PTPRJ: variants seen among roughly 807,000 people sequenced by gnomAD.
The protein encoded by PTPRJ is protein tyrosine phosphatase receptor type J.
Under a neutral mutation model 141.3 loss-of-function variants are expected in PTPRJ, and 129 were observed. The observed-to-expected ratio is 0.91, with a 90% CI of 0.79 to 1.06. The LOEUF is 1.06. PTPRJ is among the 50% of genes least tolerant of loss of function. The pLI, the probability that PTPRJ is intolerant of heterozygous loss-of-function variation, is 0.00. For synonymous variants in PTPRJ, 610 were observed against 640.5 expected (o/e 0.95, Z 0.72); for missense variants, 1,601 against 1,679.7 (o/e 0.95, Z 0.82).
intron 1 of PTPRJ, among the ~76,000 whole-genome samples, chr11:48,013,557 A>G (rs1234904): frequency 0.072 from 10,993 of 152,158 alleles, 1,294 homozygotes; most frequent in African/African-American, 0.25. Flanking sequence ...CTTGCTTCTC[A>G]TGGGGGAATG....
intron 1 of PTPRJ, among the ~76,000 whole-genome samples, chr11:48,091,027 A>G (rs1855855949): frequency 6.6e-6 from 1 of 152,166 alleles, no homozygotes; most frequent in African/African-American, 2.4e-5. Context: ...ACTTCAGATG[A>G]GGGCATTTAC....
chr11:48,066,251 A>G (rs1228246529), intron 1 of PTPRJ, among the ~76,000 whole-genome samples: 1 of 152,258 alleles, frequency 6.6e-6, no homozygotes, highest in Non-Finnish European at 1.5e-5. Flanking sequence ...CTCCTCCTCC[A>G]GTGCTCTGAG....
intron 1 of PTPRJ, among the ~76,000 whole-genome samples, chr11:48,041,442 T>C (rs1294591653): frequency 6.6e-6 from 1 of 152,142 alleles, no homozygotes; most frequent in Non-Finnish European, 1.5e-5. Flanking sequence ...CCCAGACACA[T>C]AGCGTTACTA....
intron 1 of PTPRJ, among the ~76,000 whole-genome samples, chr11:48,028,139 A>G (rs1853875230): frequency 6.6e-6 from 1 of 152,198 alleles, no homozygotes. Flanking sequence ...CTTGAAACAT[A>G]AGGCCGTCTT....
chr11:48,154,211 C>T (rs757105183), intron 19 of PTPRJ, among the ~76,000 whole-genome samples: 1 of 152,232 alleles, frequency 6.6e-6, no homozygotes, highest in Admixed American at 6.5e-5. Context: ...CTAGGTCTGT[C>T]TGTCTCAGTA....
At chr11:48,095,579 CTTTTTT>C (rs11378534) in intron 1 of PTPRJ, among the ~76,000 whole-genome samples, 1 of 137,024 alleles carries the variant, frequency 7.3e-6, no homozygotes, top group Non-Finnish European at 1.6e-5. Context: ...CAAACATATA[CTTTTTT>C]TTTTTTTTTT....
intron 2 of PTPRJ, among the ~76,000 whole-genome samples, chr11:48,110,822 A>G (rs1055978174): frequency 2.6e-5 from 4 of 152,234 alleles, no homozygotes; most frequent in African/African-American, 9.6e-5. Context: ...CACAGGGCTG[A>G]GTCCCAACTG....
intron 1 of PTPRJ, among the ~76,000 whole-genome samples, chr11:47,987,583 C>T (rs1228016): frequency 0.016 from 2,507 of 152,298 alleles, 68 homozygotes; most frequent in African/African-American, 0.057. Flanking sequence ...CCCTGCTGCC[C>T]GCTTCAGAGA....
At chr11:48,096,000 C>A (rs1247579955) in intron 1 of PTPRJ, among the ~76,000 whole-genome samples, 1 of 152,310 alleles carries the variant, frequency 6.6e-6, no homozygotes, top group East Asian at 1.9e-4. Context: ...GGTGGCTCAC[C>A]CATGGCATTC....
chr11:48,160,201 A>G (rs1356736609), intron 22 of PTPRJ, 152 bp downstream of exon 22: 2 of 1,071,230 alleles, frequency 1.9e-6, no homozygotes, highest in South Asian at 1.6e-5. Context: ...ATCCATATGC[A>G]TGTATACTCC....
At chr11:48,147,878 G>A (rs1205585956) in intron 15 of PTPRJ, among the ~76,000 whole-genome samples, 1 of 151,824 alleles carries the variant, frequency 6.6e-6, no homozygotes, top group Non-Finnish European at 1.5e-5. Flanking sequence ...ATGGAGTCTG[G>A]CTCTGTCCCC....
intron 1 of PTPRJ, among the ~76,000 whole-genome samples, chr11:48,097,392 C>T (rs1276073921): frequency 6.6e-6 from 1 of 151,880 alleles, no homozygotes; most frequent in Non-Finnish European, 1.5e-5. Flanking sequence ...TGTGACTCAC[C>T]CTTTCCTTTA....
At chr11:48,112,187 TCAGA>T (rs1218317095) in intron 2 of PTPRJ, among the ~76,000 whole-genome samples, 2 of 152,160 alleles carry the variant, frequency 1.3e-5, no homozygotes, top group Non-Finnish European at 2.9e-5. Flanking sequence ...TTGCTAGAAG[TCAGA>T]CAGAACGTCT....
chr11:48,150,285 C>A, intron 18 of PTPRJ, 102 bp downstream of exon 18: 1 of 927,234 alleles, frequency 1.1e-6, no homozygotes. Flanking sequence ...AAAGAACACT[C>A]GAGGGACTGT....
chr11:48,163,499 C>T lies in PTPRJ; in HGVS notation c.3600C>T (p.Phe1200=), dbSNP rs1290326046. 1 of 1,614,088 alleles carries T rather than the reference C, an allele frequency of 6.2e-7. No individual in the cohort carries two copies. The highest frequency in any genetic ancestry group is 2.2e-5 in the East Asian group (1 of 44,884). ...SESHPLRQFH[F]TSWPDHGVPD... is the part of the protein sequence containing the mutation. ...GTCACCCTCTGAGACAGTTCCATTT[C>T]ACCTCCTGGCCAGACCACGGTGTTC... Residue 1200 remains phenylalanine (F), a synonymous_variant, in exon 23 of 25, where the codon TTC becomes TTT. Transcript: ENST00000418331.
rs756350818 is a variant in PTPRJ at position 48,139,390 on chromosome 11, C to T, written c.2153-96C>T. ...CTGCCTCTTCCACCACATCACCCAC[C>T]CACCTTCTCATCCCCAGGATTCTGC... On this transcript the variant is annotated intron_variant, in intron 10 of 24. Transcript: ENST00000418331. The T allele has an allele frequency of 4.5e-6, 6 of 1,341,676 alleles. No homozygotes were observed. In the African/African-American group the frequency reaches 5.8e-5, roughly 13 times the overall value. The allele number at this position is 1,341,676 out of a possible 1,614,324, so 83.1% of individuals were successfully genotyped here.
intron 6 of PTPRJ, among the ~76,000 whole-genome samples, chr11:48,127,140 G>A (rs1012321214): frequency 5.3e-5 from 8 of 152,204 alleles, no homozygotes; most frequent in Non-Finnish European, 1.0e-4. Context: ...CACAGCCCAT[G>A]TGGCAAGACC....
rs1191424162 is a variant in PTPRJ at position 48,170,692 on chromosome 11, C to G, written c.*3330C>G. 6.7e-6 allele frequency: 1 copy of G among 150,024 alleles called. No homozygotes were observed. Among genetic ancestry groups the G allele is most frequent in the African/African-American group, 2.5e-5 (1 of 40,674 alleles). The allele number at this position is 150,024 out of a possible 1,614,324, so 9.3% of individuals were successfully genotyped here. The stretch of plus-strand genomic sequence containing the variant: ...ACTCTAAACTGTAATTTTCCTGTAA[C>G]TATTTTGGAATGATGCATATTTCTA... On this transcript the variant is annotated 3_prime_UTR_variant, in exon 25 of 25. Transcript: ENST00000418331.
chr11:48,079,668 C>T (rs1039777772), intron 1 of PTPRJ, among the ~76,000 whole-genome samples: 3 of 152,098 alleles, frequency 2.0e-5, no homozygotes, highest in African/African-American at 4.8e-5. Context: ...AGAATGCCTT[C>T]TACCCAGCTG....
Sources: allele counts gnomAD v4.1 joint callset (sites outside exome capture counted in the v4.1 genomes callset), GRCh38; gene constraint gnomAD v4.1.1; transcripts MANE v1.5; gene names NCBI Gene and HGNC (gene_info 2026-07-23, HGNC 2026-07-21).